Variants in HDGFL2 observed in about 807,000 individuals in gnomAD.
HDGFL2 encodes the protein HDGF like 2, also known as hepatoma-derived growth factor-related protein 2.
A neutral mutation model predicts 77.1 loss-of-function variants in HDGFL2; 36 were observed. That is an observed-to-expected ratio of 0.47 (90% CI 0.36 to 0.62). The LOEUF (loss-of-function observed/expected upper bound fraction) is 0.62, where lower values mean the gene tolerates loss of function less well. Among genes scored for constraint, HDGFL2 ranks in the 20% least tolerant of loss-of-function variants. The probability of loss-of-function intolerance (pLI) is 0.00; values close to 1 mark genes in which losing one functional copy is unlikely to be tolerated. For missense variants in HDGFL2, 976 were observed against 973.4 expected, an observed-to-expected ratio of 1.00 and a Z score of -0.04; for synonymous variants, 463 against 413.1, an observed-to-expected ratio of 1.12 and a Z score of -1.46.
chr19:4,473,714 G>GCTCT (rs1180212191), intron 1 of HDGFL2, among the ~76,000 whole-genome samples: 1 of 150,684 alleles, frequency 6.6e-6, no homozygotes, highest in Non-Finnish European at 1.5e-5. Context: ...GGGGCTCGGG[G>GCTCT]CTCTGTTCAC....
In HDGFL2 at chr19:4,488,804, G is replaced by A. The variant is rs1568210532; in HGVS notation, c.417G>A (p.Arg139=). 1 of 1,551,834 alleles carries A rather than the reference G, an allele frequency of 6.4e-7. No homozygotes were observed. Among genetic ancestry groups the A allele is most frequent in the Non-Finnish European group, 8.7e-7 (1 of 1,147,146 alleles). Residue 139 remains arginine (R), a synonymous_variant, in exon 4 of 16, where the codon AGG becomes AGA. Transcript: ENST00000616600. ...TAVTATAASD[R]MESDSDSDKS... is the part of the protein sequence containing the mutation. The stretch of plus-strand genomic sequence containing the variant: ...TAACCGCCACAGCTGCCAGCGACAG[G>A]ATGGAGAGCGACTCAGACTCAGACA...
intron 14 of HDGFL2, among the ~76,000 whole-genome samples, chr19:4,500,004 C>T (rs978709864): frequency 7.9e-5 from 12 of 151,426 alleles, no homozygotes; most frequent in South Asian, 2.1e-4. Flanking sequence ...CACCCTGGGA[C>T]GCCCAGAGAG....
rs537548247 is a variant in HDGFL2 at position 4,497,902 on chromosome 19, C to A, written c.1329-56C>A. On this transcript the variant is annotated intron_variant, in intron 10 of 15. Transcript: ENST00000616600. ...GGGTCCACCCCTTCAGGCGCCAGCC[C>A]CTCAGTGGCAGAGTGCCGGTGACGG... is the stretch of plus-strand genomic sequence containing the variant. The A allele has an allele frequency of 3.2e-3, 4,741 of 1,471,930 alleles. 8 individuals are homozygous for A. The highest frequency in any genetic ancestry group is 4.0e-3 in the Non-Finnish European group (4,333 of 1,078,154). The allele number at this position is 1,471,930 out of a possible 1,614,324, so 91.2% of individuals were successfully genotyped here.
chr19:4,491,276 C>A (rs1568211786), intron 4 of HDGFL2, among the ~76,000 whole-genome samples: 1 of 117,238 alleles, frequency 8.5e-6, no homozygotes, highest in African/African-American at 3.2e-5. Flanking sequence ...CCCACCCCCC[C>A]ACCCCCCCCG....
intron 10 of HDGFL2, 189 bp from the exon 11 acceptor site, chr19:4,497,769 G>A: frequency 1.7e-6 from 1 of 585,346 alleles, no homozygotes; most frequent in Non-Finnish European, 3.0e-6. Context: ...GCTCGAGCCT[G>A]TGGCTGCCCT....
At chr19:4,482,931 A>G (rs1041091905) in intron 3 of HDGFL2, among the ~76,000 whole-genome samples, 1 of 151,666 alleles carries the variant, frequency 6.6e-6, no homozygotes, top group Non-Finnish European at 1.5e-5. Context: ...GGGTGGAGGG[A>G]GCGACCAGGA....
rs777480030 is a variant in HDGFL2 at position 4,496,325 on chromosome 19, G to A, written c.1248G>A (p.Pro416=). 4.3e-5 allele frequency: 69 copies of A among 1,614,000 alleles called. No individual in the cohort carries two copies. The highest frequency in any genetic ancestry group is 2.0e-4 in the East Asian group (9 of 44,888). Residue 416 remains proline (P), a synonymous_variant, in exon 10 of 16, where the codon CCG becomes CCA. Transcript: ENST00000616600. ...AGGCCAAGAAATCAGCGAAGAAGCC[G>A]CAGTCCTCAAGCACAGAGCCCGCCA... ...EREAKKSAKK[P]QSSSTEPARK...
intron 14 of HDGFL2, among the ~76,000 whole-genome samples, chr19:4,500,475 T>TTG (rs1975835251): frequency 9.1e-6 from 1 of 110,494 alleles, no homozygotes; most frequent in African/African-American, 3.3e-5. Context: ...TTTTTTTTTT[T>TTG]TTTGAGACGG....
At chr19:4,479,394 T>C (rs1479671698) in intron 3 of HDGFL2, among the ~76,000 whole-genome samples, 1 of 150,284 alleles carries the variant, frequency 6.7e-6, no homozygotes, top group Non-Finnish European at 1.5e-5. Context: ...CCATCCTGGC[T>C]AACTTGGTGA....
chr19:4,499,164 G>T (rs1396179422), intron 13 of HDGFL2, among the ~76,000 whole-genome samples: 1 of 152,050 alleles, frequency 6.6e-6, no homozygotes, highest in East Asian at 1.9e-4. Context: ...TGACCAACAT[G>T]GTGAAACCCC....
intron 14 of HDGFL2, 31 bp from the exon 15 acceptor site, chr19:4,501,160 C>A: frequency 6.2e-7 from 1 of 1,611,972 alleles, no homozygotes; most frequent in East Asian, 2.2e-5. Flanking sequence ...TGGAGCCCAG[C>A]AGTGTCCTGT....
chr19:4,483,341 G>A (rs1478611057), intron 3 of HDGFL2, among the ~76,000 whole-genome samples: 3 of 152,146 alleles, frequency 2.0e-5, no homozygotes, highest in East Asian at 3.9e-4. Flanking sequence ...TGGGCTCCCA[G>A]CCTCTCCTCC....
At chr19:4,477,191 C>T (rs1342169879) in intron 3 of HDGFL2, among the ~76,000 whole-genome samples, 1 of 152,122 alleles carries the variant, frequency 6.6e-6, no homozygotes, top group Non-Finnish European at 1.5e-5. Context: ...GCTCCAGGAT[C>T]CGCAGACGTT....
At chr19:4,481,998 G>A (rs969205397) in intron 3 of HDGFL2, among the ~76,000 whole-genome samples, 3 of 151,398 alleles carry the variant, frequency 2.0e-5, no homozygotes, top group Middle Eastern at 6.9e-3. Context: ...CTCTCAGCCG[G>A]GGGGACTGGA....
At chr19:4,500,038 G>A (rs1390730480) in intron 14 of HDGFL2, among the ~76,000 whole-genome samples, 1 of 6,592 alleles carries the variant, frequency 1.5e-4, no homozygotes, top group Non-Finnish European at 3.3e-4. Flanking sequence ...TGCAGCGGGG[G>A]CAAAGAGTGG....
chr19:4,502,041 G>T lies in HDGFL2; in HGVS notation c.*31G>T. The T allele has an allele frequency of 6.8e-7, 1 of 1,468,356 alleles. No homozygotes were observed. The highest frequency in any genetic ancestry group is 9.2e-7 in the Non-Finnish European group (1 of 1,086,056). 91.0% of individuals were successfully genotyped at this position (1,468,356 alleles called of 1,614,324 possible). A position where few individuals can be genotyped will look rare whatever the true frequency, so the allele number is the denominator to read the frequency against. ...GGGCAGCCAGGCCCAGCCCCCGCCCGAGCTCAGGCTGCCCCTCTCCTTCCC... is the reference window on the plus strand; with the variant it reads ...GGGCAGCCAGGCCCAGCCCCCGCCCTAGCTCAGGCTGCCCCTCTCCTTCCC... On this transcript the variant is annotated 3_prime_UTR_variant, in exon 16 of 16. Coordinates refer to ENST00000616600, the MANE Select transcript of HDGFL2 (RefSeq NM_001001520.3).
intron 14 of HDGFL2, 79 bp from the exon 15 acceptor site, chr19:4,501,112 T>C: frequency 1.3e-6 from 2 of 1,582,912 alleles, no homozygotes; most frequent in African/African-American, 2.7e-5. Flanking sequence ...TGGCCCCTGG[T>C]CCAGTCCTTG....
chr19:4,478,648 G>C lies in HDGFL2; in HGVS notation c.288+3065G>C, dbSNP rs192741848. 1.6e-4 allele frequency among the ~76,000 whole-genome samples: 24 copies of C among 151,660 alleles called. 1 individual carries two copies. The East Asian group carries it at 3.1e-3, about 20-fold the overall frequency. On this transcript the variant is annotated intron_variant, in intron 3 of 15. Transcript: ENST00000616600. ...CTTGCATCGCCTTTTGGTCCTCACA[G>C]TAATCCTCAGAGTGGCCCAGGTGGG... is the stretch of plus-strand genomic sequence containing the variant.
chr19:4,501,184 C>T lies in HDGFL2; in HGVS notation c.1790-7C>T, dbSNP rs1374646878. ...GCAGTGTCCTGTGACCCCTCTGTCC[C>T]ACCCAGATCTCTCAGCCCCAGTGAA... On this transcript the variant is annotated splice_region_variant and splice_polypyrimidine_tract_variant and intron_variant, in intron 14 of 15. Coordinates refer to ENST00000616600, the MANE Select transcript of HDGFL2 (RefSeq NM_001001520.3). 1 of 1,613,122 alleles carries T rather than the reference C, an allele frequency of 6.2e-7. No homozygotes were observed. Among genetic ancestry groups the T allele is most frequent in the East Asian group, 2.2e-5 (1 of 44,868 alleles).
Sources: allele counts gnomAD v4.1 joint callset (sites outside exome capture counted in the v4.1 genomes callset), GRCh38; gene constraint gnomAD v4.1.1; transcripts MANE v1.5; gene names NCBI Gene and HGNC (gene_info 2026-07-23, HGNC 2026-07-21).